The following FLNB variants were observed in gnomAD, a reference collection of about 807,000 sequenced individuals.
The protein encoded by FLNB is filamin-B.
A neutral mutation model predicts 250.6 loss-of-function variants in FLNB; 111 were observed. The observed-to-expected ratio is 0.44, with a 90% CI of 0.38 to 0.52. FLNB has a LOEUF of 0.52. Ranked by LOEUF, FLNB falls within the 20% of genes least tolerant of loss-of-function variation. FLNB has a pLI of 0.00. For missense variants in FLNB, 2,869 were observed against 3,447.8 expected (o/e 0.83, Z 4.20); for synonymous variants, 1,302 against 1,372.1 (o/e 0.95, Z 1.13).
intron 1 of FLNB, among the ~76,000 whole-genome samples, chr3:58,017,514 A>G (rs1319877639): frequency 2.0e-5 from 3 of 152,084 alleles, no homozygotes; most frequent in Admixed American, 6.5e-5. Flanking sequence ...TGGCCTCTCA[A>G]AGTGCTGGGA....
intron 23 of FLNB, among the ~76,000 whole-genome samples, chr3:58,126,222 T>C (rs561520190): frequency 3.9e-5 from 6 of 152,024 alleles, no homozygotes; most frequent in African/African-American, 1.4e-4. Context: ...ACAAGAAATA[T>C]AAAAATTAGC....
intron 25 of FLNB, 66 bp downstream of exon 25, chr3:58,130,974 A>AGCACAGGCAGGG: frequency 6.7e-7 from 1 of 1,484,452 alleles, no homozygotes; most frequent in Non-Finnish European, 9.2e-7. Flanking sequence ...TGTAACCCAG[A>AGCACAGGCAGGG]GCAGATGCTT....
intron 16 of FLNB, among the ~76,000 whole-genome samples, chr3:58,111,486 T>C (rs569416759): frequency 6.6e-6 from 1 of 152,314 alleles, no homozygotes; most frequent in Non-Finnish European, 1.5e-5. Context: ...TTGTCGTTTT[T>C]GGTTTTATTC....
chr3:58,154,566 T>G (rs2097350461), intron 39 of FLNB: 2 of 479,768 alleles, frequency 4.2e-6, no homozygotes, highest in African/African-American at 2.0e-5. Flanking sequence ...AAAAAAGACA[T>G]GTCTTCAGAG....
intron 25 of FLNB, 42 bp from the exon 26 acceptor site, chr3:58,132,766 T>G (rs1188951623): frequency 1.2e-6 from 2 of 1,613,800 alleles, no homozygotes; most frequent in Non-Finnish European, 8.5e-7. Context: ...GGAGTAAAGG[T>G]GAGGCCAGGC....
intron 1 of FLNB, among the ~76,000 whole-genome samples, chr3:58,012,932 A>T (rs1040472520): frequency 6.6e-6 from 1 of 152,256 alleles, no homozygotes; most frequent in Non-Finnish European, 1.5e-5. Flanking sequence ...TTTTCTGCCT[A>T]GAATTCACTG....
chr3:58,152,141 T>C (rs753516069), intron 38 of FLNB, among the ~76,000 whole-genome samples: 16 of 152,300 alleles, frequency 1.1e-4, no homozygotes, highest in Middle Eastern at 6.8e-3. Flanking sequence ...CTTGGCCATT[T>C]TGTTATTCTT....
At chr3:58,150,312 T>C (rs2097342795) in intron 38 of FLNB, 85 bp downstream of exon 38, 1 of 1,510,004 alleles carries the variant, frequency 6.6e-7, no homozygotes, top group African/African-American at 1.4e-5. Flanking sequence ...AGTTTAGGCA[T>C]GGCCCAGAAC....
chr3:58,130,965 G>A (rs1281726835), intron 25 of FLNB, 57 bp downstream of exon 25: 4 of 1,540,250 alleles, frequency 2.6e-6, no homozygotes, highest in Non-Finnish European at 3.5e-6. Context: ...AGGGGCAGCT[G>A]TAACCCAGAG....
intron 41 of FLNB, among the ~76,000 whole-genome samples, chr3:58,156,948 C>T (rs957774183): frequency 1.3e-5 from 2 of 152,186 alleles, no homozygotes; most frequent in African/African-American, 4.8e-5. Context: ...CCACCCCACT[C>T]AACCTCCCAA....
At chr3:58,129,669 C>A (rs2097303401) in intron 24 of FLNB, among the ~76,000 whole-genome samples, 1 of 152,208 alleles carries the variant, frequency 6.6e-6, no homozygotes, top group Non-Finnish European at 1.5e-5. Flanking sequence ...TGGCTGTCTA[C>A]CATCTCTAAT....
At chr3:58,108,423 C>A in intron 12 of FLNB, 35 bp from the exon 13 acceptor site, 2 of 1,390,546 alleles carry the variant, frequency 1.4e-6, no homozygotes, top group Non-Finnish European at 1.0e-6. Flanking sequence ...TGGGGCATTA[C>A]ACAGAAAGAG....
chr3:58,052,420 C>T (rs773580994), intron 1 of FLNB, among the ~76,000 whole-genome samples: 6 of 152,182 alleles, frequency 3.9e-5, no homozygotes. Context: ...TGAGTCCCCT[C>T]TGAGGTCTTC....
At position 58,169,002 on chromosome 3, in the gene FLNB, T is replaced by C. The variant is rs2097376067; in HGVS notation, c.7417+344T>C. The stretch of plus-strand genomic sequence containing the variant: ...GAAAAATAATCAAAAAGTTTTCCTA[T>C]ACTTATAAAAATGTGTCTCCTCCAA... On this transcript the variant is annotated intron_variant, in intron 44 of 45. Transcript: ENST00000295956. The surrounding 1 kb of genome is among the most constrained non-coding windows in gnomAD (Gnocchi z 4.8). 5.9e-6 allele frequency: 2 copies of C among 337,244 alleles called. No individual in the cohort carries two copies. Among genetic ancestry groups the C allele is most frequent in the Admixed American group, 4.3e-5 (1 of 23,008 alleles). The allele number at this position is 337,244 out of a possible 1,614,324, so 20.9% of individuals were successfully genotyped here.
chr3:58,105,830 G>A (rs2097258640), intron 11 of FLNB, among the ~76,000 whole-genome samples: 3 of 152,212 alleles, frequency 2.0e-5, no homozygotes, highest in Admixed American at 2.0e-4. Flanking sequence ...GTGGCCTTCA[G>A]ACTGTCGTTT....
Position 58,170,947 on chromosome 3 carries a change from C to G in FLNB, c.*185C>G. ...ACTCTTGAGGGACATATTGGAGAATCTTAAGAAATGCAAGCTTGTTCAGGG... is the reference window on the plus strand; with the variant it reads ...ACTCTTGAGGGACATATTGGAGAATGTTAAGAAATGCAAGCTTGTTCAGGG... On this transcript the variant is annotated 3_prime_UTR_variant, in exon 46 of 46. Transcript: ENST00000295956. 1 of 611,986 alleles carries G rather than the reference C, an allele frequency of 1.6e-6. No homozygotes were observed. The highest frequency in any genetic ancestry group is 2.0e-5 in the South Asian group (1 of 51,092). 37.9% of individuals were successfully genotyped at this position (611,986 alleles called of 1,614,324 possible). A position where few individuals can be genotyped will look rare whatever the true frequency, so the allele number is the denominator to read the frequency against.
At chr3:58,043,524 C>G (rs2097149216) in intron 1 of FLNB, among the ~76,000 whole-genome samples, 1 of 152,128 alleles carries the variant, frequency 6.6e-6, no homozygotes, top group South Asian at 2.1e-4. Flanking sequence ...ACTGAGACAT[C>G]CCAGAGCCGA....
chr3:58,108,666 C>G, intron 13 of FLNB, 95 bp downstream of exon 13: 1 of 772,806 alleles, frequency 1.3e-6, no homozygotes, highest in East Asian at 2.6e-5. Flanking sequence ...TCTTCAGTTT[C>G]CTCATCTGCA....
intron 25 of FLNB, chr3:58,131,793 G>A: frequency 1.5e-6 from 1 of 668,218 alleles, no homozygotes; most frequent in East Asian, 2.8e-5. Context: ...TTCAGGACCT[G>A]CATGTGTTTG....
Sources: allele counts gnomAD v4.1 joint callset (sites outside exome capture counted in the v4.1 genomes callset), GRCh38; gene constraint gnomAD v4.1.1; non-coding constraint Gnocchi (gnomAD v3.1); transcripts MANE v1.5; gene names NCBI Gene and HGNC (gene_info 2026-07-23, HGNC 2026-07-21).